NNT: variants seen among roughly 807,000 people sequenced by gnomAD.
NNT encodes nicotinamide nucleotide transhydrogenase, also known as NAD(P) transhydrogenase, mitochondrial.
Under a neutral mutation model 104.8 loss-of-function variants are expected in NNT, and 50 were observed. That is an observed-to-expected ratio of 0.48 (90% CI 0.38 to 0.60). The LOEUF is 0.60. Ranked by LOEUF, NNT falls within the 20% of genes least tolerant of loss-of-function variation. The pLI is 0.00. For missense variants in NNT, 1,131 were observed against 1,330.7 expected (o/e 0.85, Z 2.33); for synonymous variants, 461 against 490.4 (o/e 0.94, Z 0.79).
chr5:43,636,045 G>A (rs1255038210), intron 7 of NNT, among the ~76,000 whole-genome samples: 2 of 152,108 alleles, frequency 1.3e-5, no homozygotes, highest in East Asian at 3.8e-4. Flanking sequence ...CATAGATTTA[G>A]AGCCAGATAG....
intron 6 of NNT, among the ~76,000 whole-genome samples, chr5:43,626,850 CA>C (rs1237453190): frequency 6.6e-6 from 1 of 150,524 alleles, no homozygotes; most frequent in Non-Finnish European, 1.5e-5. Context: ...CACACATATA[CA>C]CACATATATG....
Position 43,653,128 on chromosome 5 carries a change from A to G in NNT, c.1974A>G (p.Gly658=), listed in dbSNP as rs1226445037. 1.9e-6 allele frequency: 3 copies of G among 1,614,140 alleles called. No individual in the cohort carries two copies. The highest frequency in any genetic ancestry group is 1.1e-5 in the South Asian group (1 of 91,080). ...NALGMIGVAG[G]LAATLGVLKP... ...TGGGCATGATTGGGGTTGCTGGAGG[A>G]CTGGCAGCCACCCTCGGAGTCCTAA... is the stretch of plus-strand genomic sequence containing the variant. The change falls in exon 14 of 22, where the codon GGA becomes GGG. Residue 658 remains glycine (G), a synonymous_variant. Coordinates refer to ENST00000344920, the MANE Select transcript of NNT (RefSeq NM_182977.3).
chr5:43,641,463 AG>A (rs1324226693), intron 7 of NNT, among the ~76,000 whole-genome samples: 1 of 152,124 alleles, frequency 6.6e-6, no homozygotes, highest in Non-Finnish European at 1.5e-5. Flanking sequence ...GATAAGGAAA[AG>A]CACAGAGAAG....
At chr5:43,670,978 G>C (rs993718611) in intron 17 of NNT, among the ~76,000 whole-genome samples, 1 of 152,180 alleles carries the variant, frequency 6.6e-6, no homozygotes. Context: ...TGTATTGGGT[G>C]CATATATATT....
chr5:43,670,355 T>C (rs1252053214), intron 17 of NNT, among the ~76,000 whole-genome samples: 1 of 152,186 alleles, frequency 6.6e-6, no homozygotes, highest in Non-Finnish European at 1.5e-5. Flanking sequence ...GCTTCTCTAG[T>C]TCTTTTAATT....
At chr5:43,669,208 C>A (rs1470880350) in intron 17 of NNT, among the ~76,000 whole-genome samples, 5 of 151,436 alleles carry the variant, frequency 3.3e-5, no homozygotes, top group African/African-American at 7.3e-5. Context: ...TCTAGATATA[C>A]AATCATGTCA....
intron 5 of NNT, among the ~76,000 whole-genome samples, chr5:43,621,680 C>T (rs1312493473): frequency 6.6e-6 from 1 of 151,798 alleles, no homozygotes; most frequent in Non-Finnish European, 1.5e-5. Context: ...TTTGGGATTA[C>T]AGGCATGAGC....
chr5:43,617,784 A>G (rs1042815068), intron 4 of NNT, among the ~76,000 whole-genome samples: 1 of 152,164 alleles, frequency 6.6e-6, no homozygotes, highest in Non-Finnish European at 1.5e-5. Context: ...TGGCCTTTGA[A>G]TCTTTGTCAT....
At chr5:43,645,577 C>A (rs1306486846) in intron 10 of NNT, 67 bp downstream of exon 10, 24 of 873,654 alleles carry the variant, frequency 2.7e-5, no homozygotes, top group East Asian at 8.0e-5. Context: ...ATATATATAT[C>A]TATAGATATA....
rs1232214047 is a variant in NNT, at chr5:43,653,003, T to C, written c.1864-15T>C. 6.3e-7 allele frequency: 1 copy of C among 1,591,124 alleles called. No individual in the cohort carries two copies. Among genetic ancestry groups the C allele is most frequent in the South Asian group, 1.1e-5 (1 of 88,828 alleles). On this transcript the variant is annotated splice_polypyrimidine_tract_variant and intron_variant, in intron 13 of 21. Coordinates refer to ENST00000344920, the MANE Select transcript of NNT (RefSeq NM_182977.3). ...AAGGTTTTAATAATCTCTCTCTCAC[T>C]TTTCCTTTGAAAAGATCATGTACCT...
intron 17 of NNT, among the ~76,000 whole-genome samples, chr5:43,666,167 C>T (rs1740662064): frequency 6.6e-6 from 1 of 152,038 alleles, no homozygotes; most frequent in Non-Finnish European, 1.5e-5. Context: ...CAGGCAGAGA[C>T]ACTCCTCACT....
At chr5:43,631,277 A>T (rs1580002623) in intron 7 of NNT, among the ~76,000 whole-genome samples, 1 of 152,074 alleles carries the variant, frequency 6.6e-6, no homozygotes. Context: ...CAAACCCCGG[A>T]CCCAGGATAG....
chr5:43,673,199 AG>A (rs1477082241), intron 17 of NNT, among the ~76,000 whole-genome samples: 1 of 152,208 alleles, frequency 6.6e-6, no homozygotes, highest in African/African-American at 2.4e-5. Flanking sequence ...TCCCTTGGCT[AG>A]GAAAGGGTAT....
intron 17 of NNT, among the ~76,000 whole-genome samples, chr5:43,673,944 C>T (rs767851365): frequency 3.3e-5 from 5 of 151,266 alleles, no homozygotes; most frequent in Admixed American, 6.6e-5. Flanking sequence ...CTCTTGAACC[C>T]AGGAGGCGGA....
At chr5:43,605,568 C>G (rs1040184569) in intron 1 of NNT, among the ~76,000 whole-genome samples, 2 of 149,618 alleles carry the variant, frequency 1.3e-5, no homozygotes, top group Admixed American at 1.3e-4. Context: ...CTTTTTTCCC[C>G]TAATTTTGAG....
At chr5:43,662,315 C>A (rs939926530) in intron 17 of NNT, among the ~76,000 whole-genome samples, 1 of 152,080 alleles carries the variant, frequency 6.6e-6, no homozygotes, top group Non-Finnish European at 1.5e-5. Flanking sequence ...GTAAGAGGTA[C>A]TTGTTGAAAG....
intron 14 of NNT, 93 bp downstream of exon 14, chr5:43,653,306 C>A: frequency 8.3e-7 from 1 of 1,203,262 alleles, no homozygotes; most frequent in South Asian, 1.9e-5. Context: ...AAATTTTGTT[C>A]ATGGAAGTTG....
chr5:43,666,464 C>T (rs571775151), intron 17 of NNT, among the ~76,000 whole-genome samples: 12 of 152,250 alleles, frequency 7.9e-5, no homozygotes, highest in African/African-American at 2.2e-4. Flanking sequence ...TGGCAGCGCG[C>T]GCCTGCAATC....
At chr5:43,622,445 T>C (rs1365750243) in intron 5 of NNT, among the ~76,000 whole-genome samples, 2 of 152,208 alleles carry the variant, frequency 1.3e-5, no homozygotes, top group Non-Finnish European at 2.9e-5. Context: ...TTTCTTATTT[T>C]TTAATAGAGA....
Sources: allele counts gnomAD v4.1 joint callset (sites outside exome capture counted in the v4.1 genomes callset), GRCh38; gene constraint gnomAD v4.1.1; transcripts MANE v1.5; gene names NCBI Gene and HGNC (gene_info 2026-07-23, HGNC 2026-07-21).